Variants in DMXL1 observed in about 807,000 individuals in gnomAD.
DMXL1 encodes the protein Dmx like 1, also known as dmX-like protein 1.
A neutral mutation model predicts 319.2 loss-of-function variants in DMXL1; 99 were observed. The observed-to-expected ratio is 0.31, with a 90% CI of 0.26 to 0.37. The LOEUF is 0.37. DMXL1 is among the 10% of genes least tolerant of loss of function. DMXL1 has a pLI of 1.00. For missense variants in DMXL1, 3,745 were observed against 3,595.6 expected (o/e 1.04, Z -1.06); for synonymous variants, 1,385 against 1,235.2 (o/e 1.12, Z -2.54).
chr5:119,206,954 C>T, intron 34 of DMXL1, 58 bp downstream of exon 34: 6 of 1,062,304 alleles, frequency 5.6e-6, no homozygotes, highest in Non-Finnish European at 8.2e-6. Flanking sequence ...AAGAACAAAG[C>T]ATTTGCATTT....
intron 13 of DMXL1, among the ~76,000 whole-genome samples, chr5:119,134,974 A>T (rs891661093): frequency 6.6e-6 from 1 of 152,226 alleles, no homozygotes; most frequent in African/African-American, 2.4e-5. Flanking sequence ...GGCTGTACCA[A>T]GCTTTCTATT....
At chr5:119,079,602 T>C (rs535996637) in intron 1 of DMXL1, among the ~76,000 whole-genome samples, 111 of 152,376 alleles carry the variant, frequency 7.3e-4, no homozygotes, top group African/African-American at 2.6e-3. Context: ...AGCTTTTTTC[T>C]CCTTAGTCAC....
Position 119,171,819 on chromosome 5 carries a change from A to C in DMXL1, c.6531A>C (p.Gln2177His). Residue 2177 changes from glutamine (Q) to histidine (H), a missense_variant, in exon 25 of 44, where the codon CAA becomes CAC. By Grantham distance (24) the Gln-to-His change is conservative. Around this residue, in one of 4 missense-constraint regions of DMXL1, gnomAD observed 1,382 missense variants for 1,269.5 expected, o/e 1.09. Transcript: ENST00000539542. ...TATTTTCTAGCCCTCTGTCAGAGCA[A>C]ACCTCAGTGCCTCTCCTCTTTGCTT... ...EPLFSSPLSE[Q>H]TSVPLLFACT... 1 of 1,613,638 alleles carries C rather than the reference A, an allele frequency of 6.2e-7. No individual in the cohort carries two copies. Among genetic ancestry groups the C allele is most frequent in the South Asian group, 1.1e-5 (1 of 90,990 alleles).
chr5:119,090,172 C>A (rs909784086), intron 1 of DMXL1, among the ~76,000 whole-genome samples: 2 of 149,392 alleles, frequency 1.3e-5, no homozygotes, highest in African/African-American at 5.0e-5. Flanking sequence ...AGGCGCCCAC[C>A]ACCCCACCCA....
chr5:119,204,527 G>A (rs1429081223), intron 33 of DMXL1, among the ~76,000 whole-genome samples: 1 of 150,366 alleles, frequency 6.7e-6, no homozygotes, highest in Admixed American at 6.6e-5. Context: ...TAGTGTAACT[G>A]GTTGCTTATA....
chr5:119,158,205 G>GTT (rs762291035), intron 19 of DMXL1, among the ~76,000 whole-genome samples: 26 of 128,976 alleles, frequency 2.0e-4, no homozygotes, highest in African/African-American at 4.3e-4. Flanking sequence ...TATTTCTAAG[G>GTT]TTTTTTTTTT....
intron 9 of DMXL1, among the ~76,000 whole-genome samples, chr5:119,122,284 C>T (rs1762302660): frequency 1.4e-5 from 2 of 147,776 alleles, no homozygotes; most frequent in South Asian, 4.3e-4. Context: ...CACCTCCCTC[C>T]CGGACGGGGC....
At chr5:119,184,473 A>G (rs1279864872) in intron 28 of DMXL1, among the ~76,000 whole-genome samples, 3 of 152,202 alleles carry the variant, frequency 2.0e-5, no homozygotes, top group East Asian at 1.9e-4. Context: ...TGGCTTGAAT[A>G]TATTTTTTCC....
At chr5:119,130,501 C>T (rs1390153186) in intron 10 of DMXL1, among the ~76,000 whole-genome samples, 1 of 152,126 alleles carries the variant, frequency 6.6e-6, no homozygotes, top group African/African-American at 2.4e-5. Context: ...CGCCACCACA[C>T]CTGGCTAATT....
intron 1 of DMXL1, among the ~76,000 whole-genome samples, chr5:119,071,919 G>C (rs1749679104): frequency 6.6e-6 from 1 of 152,146 alleles, no homozygotes. Flanking sequence ...CTTGGGCCAG[G>C]GTGCTTTGCC....
chr5:119,231,997 G>T (rs1267036893), intron 38 of DMXL1, among the ~76,000 whole-genome samples: 1 of 152,002 alleles, frequency 6.6e-6, no homozygotes, highest in African/African-American at 2.4e-5. Context: ...AAGAGACAGG[G>T]TCTCATTATG....
intron 34 of DMXL1, among the ~76,000 whole-genome samples, chr5:119,208,852 T>C (rs1471481288): frequency 6.6e-6 from 1 of 152,168 alleles, no homozygotes; most frequent in Non-Finnish European, 1.5e-5. Context: ...CCTCCATTTT[T>C]TTTTCTCTCC....
intron 4 of DMXL1, among the ~76,000 whole-genome samples, chr5:119,107,890 T>C (rs984667350): frequency 4.6e-5 from 7 of 152,348 alleles, no homozygotes; most frequent in African/African-American, 1.7e-4. Context: ...GTGCATATTA[T>C]ATAGCTAATC....
chr5:119,125,714 G>A (rs1391888919), intron 9 of DMXL1, among the ~76,000 whole-genome samples: 2 of 151,844 alleles, frequency 1.3e-5, no homozygotes, highest in African/African-American at 2.4e-5. Context: ...ACAGACGCCC[G>A]CCACCACTCC....
At chr5:119,240,223 A>G (rs1294298370) in intron 41 of DMXL1, among the ~76,000 whole-genome samples, 196 bp from the exon 42 acceptor site, 1 of 152,226 alleles carries the variant, frequency 6.6e-6, no homozygotes, top group Non-Finnish European at 1.5e-5. Flanking sequence ...CAGTGAGCCA[A>G]GATTCCACCA....
intron 26 of DMXL1, among the ~76,000 whole-genome samples, chr5:119,176,041 T>C (rs1486861778): frequency 6.6e-6 from 1 of 152,074 alleles, no homozygotes; most frequent in African/African-American, 2.4e-5. Flanking sequence ...CATTTCTTTA[T>C]CTCTTTTTGT....
intron 5 of DMXL1, among the ~76,000 whole-genome samples, chr5:119,112,074 C>T (rs1342280800): frequency 6.6e-6 from 1 of 152,174 alleles, no homozygotes; most frequent in African/African-American, 2.4e-5. Flanking sequence ...CATTCTCCTG[C>T]CTCGGCCTCC....
Position 119,147,266 on chromosome 5 carries a change from A to G in DMXL1, c.2707A>G (p.Lys903Glu). 1 of 1,612,970 alleles carries G rather than the reference A, an allele frequency of 6.2e-7. No homozygotes were observed. The highest frequency in any genetic ancestry group is 1.7e-4 in the Middle Eastern group (1 of 6,050). The change falls in exon 17 of 44, where the codon AAA becomes GAA. Residue 903 changes from lysine to glutamate, a missense_variant. This residue lies in a region of DMXL1 where 2,096 missense variants were observed against 1,985.4 expected (regional missense o/e 1.06). Transcript: ENST00000539542. The part of the protein sequence containing the change: ...PVSLDEKVDT[K>E]LSEAVWQPEE... ...TTTTGTAGATGAAAAAGTAGATACA[A>G]AATTATCCGAAGCGGTTTGGCAGCC...
In DMXL1 at chr5:119,143,845, A is replaced by G; in HGVS notation, c.2381A>G (p.Tyr794Cys). The change falls in exon 14 of 44, where the codon TAT becomes TGT. Residue 794 changes from tyrosine (Y) to cysteine (C), a missense_variant. Physicochemically the swap from Tyr to Cys is radical, Grantham distance 194 (BLOSUM62 -2). This residue lies in a region of DMXL1 where 2,096 missense variants were observed against 1,985.4 expected (regional missense o/e 1.06). Transcript: ENST00000539542. ...AAATTTTTTTAAAAAAAACAGAAAT[A>G]TGTTGGTGAAGTCTTTAACATCGTC... ...SELSNPEISKYVGEVFNIVSQ... is the reference protein window; with the variant it reads ...SELSNPEISKCVGEVFNIVSQ... 6.4e-7 allele frequency: 1 copy of G among 1,568,598 alleles called. No individual in the cohort carries two copies.
Sources: gnomAD v4.1 joint callset for allele counts (sites outside exome capture counted in the v4.1 genomes callset) on GRCh38, gnomAD v4.1.1 for gene constraint, gnomAD v4.1.1 regional missense constraint, MANE v1.5 for transcripts, NCBI Gene and HGNC (gene_info 2026-07-23, HGNC 2026-07-21) for gene names.